ADAMTS17: variants seen among roughly 807,000 people sequenced by gnomAD.
ADAMTS17 encodes the protein ADAM metallopeptidase with thrombospondin type 1 motif 17.
A neutral mutation model predicts 141.5 loss-of-function variants in ADAMTS17; 113 were observed. The ratio of observed to expected loss-of-function variants is 0.80; its 90% CI spans 0.69 to 0.93. The LOEUF is 0.93. ADAMTS17 is among the 40% of genes least tolerant of loss of function. The probability of loss-of-function intolerance (pLI) is 0.00; values close to 1 mark genes in which losing one functional copy is unlikely to be tolerated. For synonymous variants in ADAMTS17, 768 were observed against 630.6 expected, an observed-to-expected ratio of 1.22 and a Z score of -3.27; for missense variants, 1,659 against 1,517.9, an observed-to-expected ratio of 1.09 and a Z score of -1.54.
At chr15:100,190,226 C>T (rs1458347896) in intron 8 of ADAMTS17, among the ~76,000 whole-genome samples, 1 of 152,236 alleles carries the variant, frequency 6.6e-6, no homozygotes, top group Non-Finnish European at 1.5e-5. Context: ...CTCATGCTGG[C>T]TCCTGGAAAC....
chr15:99,976,532 C>T lies in ADAMTS17; in HGVS notation c.2950-310G>A, dbSNP rs2060335046. 1.1e-5 allele frequency: 6 copies of T among 545,946 alleles called. 1 individual carries two copies. The highest frequency in any genetic ancestry group is 6.0e-5 in the South Asian group (3 of 49,710). 33.8% of individuals were successfully genotyped at this position (545,946 alleles called of 1,614,324 possible). The stretch of plus-strand genomic sequence containing the variant: ...GCAGCTGCCTGATAGAAGACTGTTT[C>T]AAGATGTTATGGAATACATGTTTGT... On this transcript the variant is annotated intron_variant, in intron 20 of 21. Coordinates refer to ENST00000268070, the MANE Select transcript of ADAMTS17 (RefSeq NM_139057.4).
At chr15:100,087,237 G>C (rs2035166232) in intron 15 of ADAMTS17, among the ~76,000 whole-genome samples, 1 of 152,156 alleles carries the variant, frequency 6.6e-6, no homozygotes. Context: ...AGAAAATCTA[G>C]AAGAAATGGA....
chr15:100,168,688 A>G (rs1342534760), intron 8 of ADAMTS17: 1 of 152,246 alleles, frequency 6.6e-6, no homozygotes, highest in African/African-American at 2.4e-5. Context: ...AGTCTTCAGT[A>G]TCTGTTTCTT....
chr15:100,189,671 TTGTCTTCAG>T (rs1226336754), intron 8 of ADAMTS17, among the ~76,000 whole-genome samples: 1 of 152,226 alleles, frequency 6.6e-6, no homozygotes, highest in Non-Finnish European at 1.5e-5. Context: ...GTCTTGTCAC[TTGTCTTCAG>T]TGTCTGAAGC....
chr15:100,326,011 C>G (rs1004776597), intron 3 of ADAMTS17, among the ~76,000 whole-genome samples: 1 of 152,102 alleles, frequency 6.6e-6, no homozygotes, highest in African/African-American at 2.4e-5. Flanking sequence ...TTCGGTTAAG[C>G]CCCTGGGTCT....
intron 15 of ADAMTS17, among the ~76,000 whole-genome samples, chr15:100,080,390 T>G (rs1350333127): frequency 6.6e-6 from 1 of 150,984 alleles, no homozygotes; most frequent in Non-Finnish European, 1.5e-5. Flanking sequence ...ACAAAGGAGG[T>G]AAGGAAGAGT....
At chr15:100,021,350 G>A (rs1237714619) in intron 18 of ADAMTS17, among the ~76,000 whole-genome samples, 5 of 152,242 alleles carry the variant, frequency 3.3e-5, no homozygotes, top group South Asian at 4.2e-4. Context: ...TCTGTGCCAC[G>A]TTCAAGCAAC....
intron 10 of ADAMTS17, among the ~76,000 whole-genome samples, chr15:100,146,937 C>T (rs1024254036): frequency 6.6e-6 from 1 of 152,248 alleles, no homozygotes; most frequent in East Asian, 1.9e-4. Context: ...ACTCTGTCTC[C>T]TGATAAGATG....
intron 18 of ADAMTS17, among the ~76,000 whole-genome samples, chr15:100,008,367 A>G (rs1235223064): frequency 6.6e-6 from 1 of 152,180 alleles, no homozygotes; most frequent in African/African-American, 2.4e-5. Flanking sequence ...GCAGCCACTG[A>G]GAACAGGCTG....
chr15:100,086,363 A>G (rs1234761476), intron 15 of ADAMTS17, among the ~76,000 whole-genome samples: 4 of 148,714 alleles, frequency 2.7e-5, no homozygotes, highest in Non-Finnish European at 5.9e-5. Context: ...CTTAGTGACT[A>G]GAAAGAGACT....
intron 12 of ADAMTS17, among the ~76,000 whole-genome samples, chr15:100,120,497 A>G (rs2037398267): frequency 1.3e-5 from 2 of 152,084 alleles, no homozygotes; most frequent in African/African-American, 4.8e-5. Context: ...CATTGCTGTA[A>G]CCTCCACCAG....
At chr15:100,332,383 C>G (rs1452463425) in intron 2 of ADAMTS17, among the ~76,000 whole-genome samples, 2 of 152,210 alleles carry the variant, frequency 1.3e-5, no homozygotes, top group Non-Finnish European at 2.9e-5. Context: ...CTGCCGCAGT[C>G]AAGAAAGAGT....
chr15:100,097,985 C>T (rs761677468), intron 14 of ADAMTS17, among the ~76,000 whole-genome samples: 7 of 152,170 alleles, frequency 4.6e-5, no homozygotes, highest in Non-Finnish European at 8.8e-5. Context: ...AAAAGCTGAG[C>T]AAGTTGAGTC....
intron 7 of ADAMTS17, among the ~76,000 whole-genome samples, chr15:100,240,069 C>T (rs980768435): frequency 5.3e-5 from 8 of 152,278 alleles, no homozygotes; most frequent in African/African-American, 7.2e-5. Context: ...CCACGTGTAC[C>T]GGGATCAGCA....
rs2040436732 is a variant in ADAMTS17 at position 100,179,135 on chromosome 15, T to C, written c.1181+20183A>G. 2.0e-5 allele frequency among the ~76,000 whole-genome samples: 3 copies of C among 152,330 alleles called. No individual in the cohort carries two copies. The South Asian group carries it at 6.2e-4, about 32-fold the overall frequency. ...AAAATGTACATTTAAATTATAACTA[T>C]AGCCCTGTTGTGGAACCAAATACTA... On this transcript the variant is annotated intron_variant, in intron 8 of 21. Coordinates refer to ENST00000268070, the MANE Select transcript of ADAMTS17 (RefSeq NM_139057.4).
intron 8 of ADAMTS17, among the ~76,000 whole-genome samples, chr15:100,195,991 TG>T (rs1369769957): frequency 1.3e-5 from 2 of 152,244 alleles, no homozygotes; most frequent in African/African-American, 4.8e-5. Context: ...CTCATAGGAC[TG>T]ACTCAATGGC....
In ADAMTS17 at chr15:100,046,168, C is replaced by T. The variant is rs538856962; in HGVS notation, c.2591+2689G>A. Among the ~76,000 whole-genome samples the T allele has an allele frequency of 9.2e-5, 14 of 152,232 alleles. No homozygotes were observed. In the East Asian group the frequency reaches 2.3e-3, roughly 25 times the overall value. On this transcript the variant is annotated intron_variant, in intron 18 of 21. Coordinates refer to ENST00000268070, the MANE Select transcript of ADAMTS17 (RefSeq NM_139057.4). ...AGTGCTGGGATTACAGGTGTGTGCC[C>T]CCTCACCTAGGCTGCTTTCTAGCTT...
At chr15:100,205,738 C>T (rs747873899) in intron 7 of ADAMTS17, among the ~76,000 whole-genome samples, 9 of 152,312 alleles carry the variant, frequency 5.9e-5, no homozygotes, top group South Asian at 4.1e-4. Flanking sequence ...ACAGGCCTTG[C>T]GCCGGGCAGA....
chr15:100,296,564 G>C (rs1057338643), intron 3 of ADAMTS17, among the ~76,000 whole-genome samples: 1 of 143,808 alleles, frequency 7.0e-6, no homozygotes, highest in Non-Finnish European at 1.5e-5. Flanking sequence ...TTTTTTGTTT[G>C]GAGGGGGTGA....
Sources: allele counts gnomAD v4.1 joint callset (sites outside exome capture counted in the v4.1 genomes callset), GRCh38; gene constraint gnomAD v4.1.1; transcripts MANE v1.5; gene names NCBI Gene and HGNC (gene_info 2026-07-23, HGNC 2026-07-21).